The following SMARCA2 variants were observed in gnomAD, a reference collection of about 807,000 sequenced individuals.
SMARCA2 encodes SWI/SNF related BAF chromatin remodeling complex subunit ATPase 2.
Under a neutral mutation model 199.8 loss-of-function variants are expected in SMARCA2, and 61 were observed. That is an observed-to-expected ratio of 0.31 (90% CI 0.25 to 0.38). The LOEUF is 0.38. SMARCA2 is among the 10% of genes least tolerant of loss of function. The pLI is 1.00. For missense variants in SMARCA2, 1,344 were observed against 2,012.2 expected (o/e 0.67, Z 6.35); for synonymous variants, 935 against 732.0 (o/e 1.28, Z -4.48).
intron 16 of SMARCA2, 111 bp downstream of exon 16, chr9:2,083,524 G>T: frequency 1.6e-6 from 1 of 629,606 alleles, no homozygotes; most frequent in Non-Finnish European, 2.8e-6. Flanking sequence ...GTTTTGTCAT[G>T]TACATCATGT....
rs966392220 is a variant in SMARCA2, at chr9:2,158,653, G to A, written c.3982-3033G>A. 1.0e-5 allele frequency: 3 copies of A among 298,858 alleles called. No individual in the cohort carries two copies. The South Asian group carries it at 3.9e-4, about 39-fold the overall frequency. The allele number at this position is 298,858 out of a possible 1,614,324, so 18.5% of individuals were successfully genotyped here. On this transcript the variant is annotated intron_variant, in intron 27 of 33. Coordinates refer to ENST00000349721, the MANE Select transcript of SMARCA2 (RefSeq NM_003070.5). ...TTAGCATTGTGTAGCAAGTTTTGGGGTTTTTTTTGTGTGTGACCCCCCAGC... is the reference window on the plus strand; with the variant it reads ...TTAGCATTGTGTAGCAAGTTTTGGGATTTTTTTTGTGTGTGACCCCCCAGC...
chr9:2,143,719 G>A (rs1021300692), intron 27 of SMARCA2, among the ~76,000 whole-genome samples: 5 of 152,094 alleles, frequency 3.3e-5, no homozygotes, highest in East Asian at 1.9e-4. Flanking sequence ...TAGATGAGAC[G>A]GACAGGATCC....
rs1821794119 is a variant in SMARCA2, at chr9:2,086,129, A to G, written c.2527-700A>G. The G allele has an allele frequency of 6.6e-6, 1 of 152,254 alleles. No individual in the cohort carries two copies. Among genetic ancestry groups the G allele is most frequent in the African/African-American group, 2.4e-5 (1 of 41,434 alleles). The allele number at this position is 152,254 out of a possible 1,614,324, so 9.4% of individuals were successfully genotyped here. On this transcript the variant is annotated intron_variant, in intron 17 of 33. Transcript: ENST00000349721. This position sits in a 1 kb window ranked among gnomAD's most constrained non-coding sequence, Gnocchi z 4.3. ...GCCAGTGAGTATATTCTTTTATTTT[A>G]GATAAAACAGGGGTCCTAGATCTGG...
intron 24 of SMARCA2, among the ~76,000 whole-genome samples, chr9:2,113,372 C>G (rs563089011): frequency 6.6e-6 from 1 of 152,138 alleles, no homozygotes; most frequent in Non-Finnish European, 1.5e-5. Flanking sequence ...GTTGCTATTA[C>G]GGAATGGTCG....
intron 2 of SMARCA2, among the ~76,000 whole-genome samples, chr9:2,030,424 G>C (rs551192963): frequency 5.3e-5 from 8 of 152,114 alleles, no homozygotes; most frequent in African/African-American, 1.7e-4. Context: ...CTGATGATGT[G>C]AGTTCCAGTC....
In SMARCA2 at chr9:2,041,577, C is replaced by G. The variant is rs1328352428; in HGVS notation, c.790+1677C>G. The G allele has an allele frequency of 1.3e-5, 5 of 394,664 alleles. No homozygotes were observed. The East Asian group carries it at 1.4e-4, about 11-fold the overall frequency. 24.4% of individuals were successfully genotyped at this position (394,664 alleles called of 1,614,324 possible). On this transcript the variant is annotated intron_variant, in intron 4 of 33. Transcript: ENST00000349721. ...ATCTCCCTGGGAATTAGGATTTTAA[C>G]ATATGAATTTTGAGGGGACCATAAA...
intron 1 of SMARCA2, among the ~76,000 whole-genome samples, chr9:2,027,112 A>G (rs2130167511): frequency 6.6e-6 from 1 of 152,332 alleles, no homozygotes; most frequent in South Asian, 2.1e-4. Flanking sequence ...ATGGGAACAC[A>G]ACTCAAACAC....
chr9:2,139,360 T>TG lies in SMARCA2; in HGVS notation c.3981+15426dup, dbSNP rs562693626. ...AGAGAATGGGGAATGCTGATTGGTT[T>TG]GGGATGCAGTTATAGAAGTGTGGAA... On this transcript the variant is annotated intron_variant, in intron 27 of 33. Transcript: ENST00000349721. 3.4e-4 allele frequency among the ~76,000 whole-genome samples: 52 copies of TG among 151,966 alleles called. No individual in the cohort carries two copies. The East Asian group carries it at 4.3e-3, about 12-fold the overall frequency.
chr9:2,078,074 C>G lies in SMARCA2; in HGVS notation c.2184+298C>G, dbSNP rs549794861. ...CTATTAAACTGGAGAACATCCACGC[C>G]TCATCTTGAAGTATTTCTTTAAAAT... On this transcript the variant is annotated intron_variant, in intron 14 of 33. Transcript: ENST00000349721. Among the ~76,000 whole-genome samples the G allele has an allele frequency of 3.3e-5, 5 of 152,290 alleles. No homozygotes were observed. In the South Asian group the frequency reaches 1.0e-3, roughly 32 times the overall value.
Position 2,182,251 on chromosome 9 carries a change from T to TGTTAA in SMARCA2, c.4461+13_4461+17dup. On this transcript the variant is annotated intron_variant, in intron 31 of 33. Transcript: ENST00000349721. The stretch of plus-strand genomic sequence containing the variant: ...ACCTGGAGGGATCCCAGGTCTGTCT[T>TGTTAA]GTTAAGTTGTCTAAAAGTTCTTAAC... 2 of 1,567,698 alleles carry TGTTAA rather than the reference T, an allele frequency of 1.3e-6. No homozygotes were observed. The highest frequency in any genetic ancestry group is 1.8e-6 in the Non-Finnish European group (2 of 1,142,524).
chr9:2,158,781 A>C, intron 27 of SMARCA2: 3 of 491,302 alleles, frequency 6.1e-6, no homozygotes, highest in Non-Finnish European at 1.1e-5. Context: ...TACATGCAGG[A>C]GTAATCTTAC....
Position 2,170,606 on chromosome 9 carries a change from G to C in SMARCA2, c.4253+134G>C. ...TCCTGATCACCCCTACTTGGAGAGC[G>C]GGATAGAGGCACAGATACTCTTAAA... is the stretch of plus-strand genomic sequence containing the variant. On this transcript the variant is annotated intron_variant, in intron 29 of 33. Coordinates refer to ENST00000349721, the MANE Select transcript of SMARCA2 (RefSeq NM_003070.5). This position sits in a 1 kb window ranked among gnomAD's most constrained non-coding sequence, Gnocchi z 4.7. The C allele has an allele frequency of 7.1e-7, 1 of 1,411,190 alleles. No individual in the cohort carries two copies. The allele number at this position is 1,411,190 out of a possible 1,614,324, so 87.4% of individuals were successfully genotyped here. A position where few individuals can be genotyped will look rare whatever the true frequency, so the allele number is the denominator to read the frequency against.
chr9:2,029,891 TG>T (rs1309924862), intron 2 of SMARCA2, among the ~76,000 whole-genome samples: 1 of 152,218 alleles, frequency 6.6e-6, no homozygotes, highest in Non-Finnish European at 1.5e-5. Context: ...ATTGTTGCTG[TG>T]GGGATGATCA....
At position 2,024,061 on chromosome 9, in the gene SMARCA2, A is replaced by C. The variant is rs1310594133; in HGVS notation, c.-36-4926A>C. ...TTTTCTGTAAAGTGAGCTGTGAAAA[A>C]AGACAGGCTGGAGATCCAAGATTTC... On this transcript the variant is annotated intron_variant, in intron 1 of 33. Coordinates refer to ENST00000349721, the MANE Select transcript of SMARCA2 (RefSeq NM_003070.5). Among the ~76,000 whole-genome samples, 6 of 152,306 alleles carry C rather than the reference A, an allele frequency of 3.9e-5. No individual in the cohort carries two copies. The South Asian group carries it at 1.2e-3, about 32-fold the overall frequency.
chr9:2,080,903 C>G (rs947028786), intron 14 of SMARCA2, among the ~76,000 whole-genome samples: 2 of 152,216 alleles, frequency 1.3e-5, no homozygotes, highest in African/African-American at 4.8e-5. Flanking sequence ...AGGCATGCAT[C>G]TTACAGACCT....
intron 28 of SMARCA2, among the ~76,000 whole-genome samples, chr9:2,168,103 C>A (rs1826029710): frequency 6.6e-6 from 1 of 151,364 alleles, no homozygotes; most frequent in South Asian, 2.1e-4. Flanking sequence ...CATCTGCCTC[C>A]CGGGTTCAAG....
intron 32 of SMARCA2, among the ~76,000 whole-genome samples, chr9:2,187,115 G>C (rs376304376): frequency 6.7e-6 from 1 of 149,256 alleles, no homozygotes; most frequent in Non-Finnish European, 1.5e-5. Flanking sequence ...ATTTTGCATA[G>C]AATTTTTTTT....
At chr9:2,131,900 C>T (rs928329671) in intron 27 of SMARCA2, among the ~76,000 whole-genome samples, 1 of 147,170 alleles carries the variant, frequency 6.8e-6, no homozygotes, top group Non-Finnish European at 1.5e-5. Context: ...GATCACACCA[C>T]TGCACTGCAG....
intron 19 of SMARCA2, among the ~76,000 whole-genome samples, chr9:2,090,165 A>G (rs1821990485): frequency 6.6e-6 from 1 of 152,204 alleles, no homozygotes; most frequent in Non-Finnish European, 1.5e-5. Context: ...TATTTATTTT[A>G]TGGTTCTTTC....
Sources: allele counts gnomAD v4.1 joint callset (sites outside exome capture counted in the v4.1 genomes callset), GRCh38; gene constraint gnomAD v4.1.1; non-coding constraint Gnocchi (gnomAD v3.1); transcripts MANE v1.5; gene names NCBI Gene and HGNC (gene_info 2026-07-23, HGNC 2026-07-21).